STRN4: variants seen among roughly 807,000 people sequenced by gnomAD.
STRN4 encodes the protein striatin-4.
A neutral mutation model predicts 77.9 loss-of-function variants in STRN4; 27 were observed. The ratio of observed to expected loss-of-function variants is 0.35; its 90% CI spans 0.26 to 0.48. The LOEUF is 0.48. Ranked by LOEUF, STRN4 falls within the 20% of genes least tolerant of loss-of-function variation. The pLI is 0.99. For synonymous variants in STRN4, 466 were observed against 443.1 expected (o/e 1.05, Z -0.65); for missense variants, 798 against 1,049.7 (o/e 0.76, Z 3.31).
rs138228034 is a variant in STRN4, at chr19:46,731,944, ACG to A, written c.738-1073_738-1072del. On this transcript the variant is annotated intron_variant, in intron 5 of 17. Transcript: ENST00000263280. ...GGGGCCAAATGCCCCGCAGCTCCAG[ACG>A]AGCTCTGCTTCTCCACATGGGGGTA... Among the ~76,000 whole-genome samples the A allele has an allele frequency of 3.3e-3, 502 of 152,286 alleles. 3 individuals are homozygous for A. The highest frequency in any genetic ancestry group is 0.012 in the African/African-American group (479 of 41,554).
chr19:46,733,246 T>A lies in STRN4; in HGVS notation c.540-10A>T. 6.2e-7 allele frequency: 1 copy of A among 1,607,536 alleles called. No individual in the cohort carries two copies. ...CACCTCTTCCAGGTACCTGCAGGGG[T>A]GCAGAGCCACGTGGGTCAGACATCC... On this transcript the variant is annotated splice_polypyrimidine_tract_variant and intron_variant, in intron 4 of 17. Coordinates refer to ENST00000263280, the MANE Select transcript of STRN4 (RefSeq NM_013403.3). The surrounding 1 kb of genome is among the most constrained non-coding windows in gnomAD (Gnocchi z 4.3).
At chr19:46,736,329 TGA>T (rs1302761414) in intron 4 of STRN4, 2 of 151,808 alleles carry the variant, frequency 1.3e-5, no homozygotes, top group African/African-American at 4.8e-5. Context: ...CCAAACATGG[TGA>T]GTTACTGTGA....
intron 1 of STRN4, among the ~76,000 whole-genome samples, chr19:46,743,792 A>T (rs1311311457): frequency 6.6e-6 from 1 of 152,006 alleles, no homozygotes; most frequent in African/African-American, 2.4e-5. Flanking sequence ...AATCCCAGCT[A>T]CTTGCGAGGC....
chr19:46,744,997 T>C lies in STRN4; in HGVS notation c.282+1152A>G, dbSNP rs891779498. Among the ~76,000 whole-genome samples the C allele has an allele frequency of 3.3e-5, 5 of 152,022 alleles. 1 individual carries two copies. The highest frequency in any genetic ancestry group is 7.4e-5 in the Non-Finnish European group (5 of 67,972). On this transcript the variant is annotated intron_variant, in intron 1 of 17. Transcript: ENST00000263280. ...AGCTACCCCAAAAACCACGGGGTCT[T>C]TTCCCAAGACTTCCACAAACATATC...
intron 16 of STRN4, 123 bp downstream of exon 16, chr19:46,721,863 C>T (rs2053985469): frequency 3.8e-6 from 4 of 1,039,686 alleles, no homozygotes; most frequent in Non-Finnish European, 4.3e-6. Flanking sequence ...CGGTCATTCC[C>T]GCCCAGACCA....
chr19:46,729,886 C>T (rs1213137110), intron 6 of STRN4, among the ~76,000 whole-genome samples: 1 of 152,188 alleles, frequency 6.6e-6, no homozygotes, highest in African/African-American at 2.4e-5. Flanking sequence ...AAGTGTGGGC[C>T]AGAACTCACG....
At position 46,723,309 on chromosome 19, in the gene STRN4, G is replaced by A; in HGVS notation, c.1595-25C>T. 6.6e-7 allele frequency: 1 copy of A among 1,524,390 alleles called. No homozygotes were observed. The highest frequency in any genetic ancestry group is 8.8e-7 in the Non-Finnish European group (1 of 1,135,766). The allele number at this position is 1,524,390 out of a possible 1,614,324, so 94.4% of individuals were successfully genotyped here. On this transcript the variant is annotated intron_variant, in intron 12 of 17. Transcript: ENST00000263280. The surrounding 1 kb of genome is among the most constrained non-coding windows in gnomAD (Gnocchi z 5.5). ...TCTGCACCCACCGCAGGGAGGAAAT[G>A]GGCTGTGTCAGGGCTGCCAGCTCCT...
At position 46,728,155 on chromosome 19, in the gene STRN4, G is replaced by C. The variant is rs1362853216; in HGVS notation, c.1040-148C>G. ...GGGGAGGGGGGGAATGGGCAGAGGAGAGGAGGTTGATTGGGCCCCTCCGTG... is the reference window on the plus strand; with the variant it reads ...GGGGAGGGGGGGAATGGGCAGAGGACAGGAGGTTGATTGGGCCCCTCCGTG... On this transcript the variant is annotated intron_variant, in intron 7 of 17. Coordinates refer to ENST00000263280, the MANE Select transcript of STRN4 (RefSeq NM_013403.3). 1.6e-5 allele frequency: 13 copies of C among 798,160 alleles called. No homozygotes were observed. In the Admixed American group the frequency reaches 2.6e-4, roughly 16 times the overall value. 49.4% of individuals were successfully genotyped at this position (798,160 alleles called of 1,614,324 possible).
intron 13 of STRN4, 29 bp from the exon 14 acceptor site, chr19:46,722,979 G>C (rs753843008): frequency 2.4e-5 from 38 of 1,612,098 alleles, no homozygotes; most frequent in Non-Finnish European, 2.4e-5. Flanking sequence ...GAAGGCTGCT[G>C]AATGGACCCT....
intron 12 of STRN4, among the ~76,000 whole-genome samples, chr19:46,724,512 G>C (rs1396107961): frequency 6.6e-6 from 1 of 152,186 alleles, no homozygotes; most frequent in Non-Finnish European, 1.5e-5. Context: ...AGCCACGCCT[G>C]TGCATGGGCT....
chr19:46,721,899 GC>G (rs1599856084), intron 16 of STRN4, 86 bp downstream of exon 16: 4 of 1,502,080 alleles, frequency 2.7e-6, no homozygotes, highest in East Asian at 2.3e-5. Flanking sequence ...GGCCCCCGGG[GC>G]CCCCTGAGCA....
At chr19:46,744,270 G>A (rs1191865598) in intron 1 of STRN4, among the ~76,000 whole-genome samples, 1 of 152,124 alleles carries the variant, frequency 6.6e-6, no homozygotes, top group Admixed American at 6.5e-5. Context: ...GTAGAGAGTG[G>A]GACAGAAGTG....
At position 46,746,200 on chromosome 19, in the gene STRN4, C is replaced by T; in HGVS notation, c.231G>A (p.Ala77=). 2 of 1,539,986 alleles carry T rather than the reference C, an allele frequency of 1.3e-6. No homozygotes were observed. The highest frequency in any genetic ancestry group is 2.7e-5 in the East Asian group (1 of 37,536). Residue 77 remains alanine (A), a synonymous_variant, in exon 1 of 18, where the codon GCG becomes GCA. Transcript: ENST00000263280. Reference sequence around the variant, plus strand: ...AGCGGGCTTTCTCGGCTTCGAAGCGCGCCCACTCGTGCTGGATAAAGTGCA... The same window carrying T: ...AGCGGGCTTTCTCGGCTTCGAAGCGTGCCCACTCGTGCTGGATAAAGTGCA... ...GILHFIQHEW[A]RFEAEKARWE... is the part of the protein sequence containing the mutation.
In STRN4 at chr19:46,720,776, A is replaced by G. The variant is rs201266517; in HGVS notation, c.2093-5T>C. 633 of 1,566,502 alleles carry G rather than the reference A, an allele frequency of 4.0e-4. 6 individuals are homozygous for G. In the East Asian group the frequency reaches 0.012, roughly 29 times the overall value. On this transcript the variant is annotated splice_polypyrimidine_tract_variant and splice_region_variant and intron_variant, in intron 16 of 17. Transcript: ENST00000263280. ...GACGCAGGGAGCAGTCATGGCCTGC[A>G]CATGTGTCGGGGACAGAAGGGGTGG...
rs868589796 is a variant in STRN4, at chr19:46,724,894, T to C, written c.1507A>G (p.Ser503Gly). Reference sequence around the variant, plus strand: ...GCCCCGCCACTGTAGCAGTATTCACTGTTGCTGCCCATAGCCACAGCCAAC... The same window carrying C: ...GCCCCGCCACTGTAGCAGTATTCACCGTTGCTGCCCATAGCCACAGCCAAC... ...PVLAVAMGSNSEYCYSGGADA... is the reference protein window; with the variant it reads ...PVLAVAMGSNGEYCYSGGADA... The change falls in exon 12 of 18, where the codon AGT becomes GGT. Residue 503 changes from serine (S) to glycine (G), a missense_variant. Around this residue, in one of 2 missense-constraint regions of STRN4, gnomAD observed 287 missense variants for 473.8 expected, o/e 0.61. Coordinates refer to ENST00000263280, the MANE Select transcript of STRN4 (RefSeq NM_013403.3). The C allele has an allele frequency of 6.2e-7, 1 of 1,614,094 alleles. No individual in the cohort carries two copies. The highest frequency in any genetic ancestry group is 8.5e-7 in the Non-Finnish European group (1 of 1,180,034).
intron 7 of STRN4, 126 bp from the exon 8 acceptor site, chr19:46,728,133 G>C (rs995672046): frequency 1.1e-6 from 1 of 917,386 alleles, no homozygotes; most frequent in South Asian, 1.4e-5. Flanking sequence ...GGCCCTGGGG[G>C]AGGGGGGGAA....
chr19:46,728,560 G>A, intron 7 of STRN4, 58 bp downstream of exon 7: 1 of 1,576,698 alleles, frequency 6.3e-7, no homozygotes, highest in South Asian at 1.1e-5. Context: ...AGCTGAGCCT[G>A]CTCCCACCCC....
At position 46,720,722 on chromosome 19, in the gene STRN4, C is replaced by G. The variant is rs1270451999; in HGVS notation, c.2142G>C (p.Val714=). Residue 714 remains valine, a synonymous_variant, in exon 17 of 18, where the codon GTG becomes GTC. Coordinates refer to ENST00000263280, the MANE Select transcript of STRN4 (RefSeq NM_013403.3). The part of the protein sequence containing the change: ...RLWSLDNKTC[V]QEITAHRKKH... ...TCTTGCGGTGGGCCGTGATCTCCTG[C>G]ACGCACGTTTTGTTGTCCAGGCTCC... 6.2e-7 allele frequency: 1 copy of G among 1,608,720 alleles called. No individual in the cohort carries two copies. The highest frequency in any genetic ancestry group is 1.1e-5 in the South Asian group (1 of 89,940).
chr19:46,745,299 T>G (rs2054560366), intron 1 of STRN4, among the ~76,000 whole-genome samples: 1 of 151,596 alleles, frequency 6.6e-6, no homozygotes, highest in African/African-American at 2.4e-5. Flanking sequence ...ACTCTTAAGC[T>G]CTCCCATCCA....
Sources: gnomAD v4.1 joint callset for allele counts (sites outside exome capture counted in the v4.1 genomes callset) on GRCh38, gnomAD v4.1.1 for gene constraint, gnomAD v4.1.1 regional missense constraint, Gnocchi (gnomAD v3.1) non-coding constraint, MANE v1.5 for transcripts, NCBI Gene and HGNC (gene_info 2026-07-23, HGNC 2026-07-21) for gene names.